CTIF: variants seen among roughly 807,000 people sequenced by gnomAD.
CTIF encodes the protein CBP80/20-dependent translation initiation factor.
In CTIF, 21 loss-of-function variants were observed where a neutral mutation model predicts 66.0. The ratio of observed to expected loss-of-function variants is 0.32; its 90% CI spans 0.23 to 0.46. CTIF has a LOEUF of 0.46. CTIF is among the 20% of genes least tolerant of loss of function. The pLI, the probability that CTIF is intolerant of heterozygous loss-of-function variation, is 1.00. For synonymous variants in CTIF, 345 were observed against 326.4 expected, an observed-to-expected ratio of 1.06 and a Z score of -0.62; for missense variants, 739 against 812.7, an observed-to-expected ratio of 0.91 and a Z score of 1.10.
chr18:48,663,973 G>A (rs769981777), intron 4 of CTIF, 148 bp downstream of exon 4: 4 of 768,358 alleles, frequency 5.2e-6, no homozygotes, highest in Non-Finnish European at 8.8e-6. Flanking sequence ...TGGAAAGAAG[G>A]CCGGAGAGAG....
At chr18:48,550,682 C>T (rs911326964) in intron 1 of CTIF, among the ~76,000 whole-genome samples, 23 of 152,176 alleles carry the variant, frequency 1.5e-4, no homozygotes, top group African/African-American at 5.3e-4. Context: ...CCATCACTCC[C>T]TGCCTCCTCA....
At chr18:48,857,070 G>C (rs12456176) in intron 10 of CTIF, among the ~76,000 whole-genome samples, 12,327 of 152,252 alleles carry the variant, frequency 0.081, 863 homozygotes, top group East Asian at 0.41. Context: ...CAGGTTTGTG[G>C]GTTTGAAAGT....
chr18:48,721,745 G>C (rs562153216), intron 7 of CTIF, among the ~76,000 whole-genome samples: 2 of 140,472 alleles, frequency 1.4e-5, no homozygotes, highest in African/African-American at 5.8e-5. Context: ...CTCAGAGAAC[G>C]TGCATCCCCC....
chr18:48,640,160 G>A (rs1212634548), intron 3 of CTIF, among the ~76,000 whole-genome samples: 1 of 152,202 alleles, frequency 6.6e-6, no homozygotes, highest in Non-Finnish European at 1.5e-5. Flanking sequence ...GCCCACCAGA[G>A]GCAAGAGCAC....
chr18:48,803,896 A>G (rs889358030), intron 9 of CTIF, among the ~76,000 whole-genome samples: 1 of 152,206 alleles, frequency 6.6e-6, no homozygotes, highest in Non-Finnish European at 1.5e-5. Flanking sequence ...ATCAGTCAGC[A>G]TGCAAGTCAA....
intron 10 of CTIF, among the ~76,000 whole-genome samples, chr18:48,819,743 AAAG>A (rs749394241): frequency 6.6e-5 from 10 of 152,210 alleles, no homozygotes; most frequent in Non-Finnish European, 1.3e-4. Flanking sequence ...CCAATTTGTA[AAAG>A]AAGAGGGCAG....
chr18:48,860,210 G>A lies in CTIF; in HGVS notation c.*651G>A, dbSNP rs530269688. On this transcript the variant is annotated 3_prime_UTR_variant, in exon 12 of 12. Coordinates refer to ENST00000256413, the MANE Select transcript of CTIF (RefSeq NM_014772.3). Reference sequence around the variant, plus strand: ...TCAGGCCTAGGGGGTCAGGCGCAGCGGGGGAGATGGAGTTTGCAGTTCCAC... The same window carrying A: ...TCAGGCCTAGGGGGTCAGGCGCAGCAGGGGAGATGGAGTTTGCAGTTCCAC... The A allele has an allele frequency of 1.3e-4, 45 of 337,144 alleles. No individual in the cohort carries two copies. The highest frequency in any genetic ancestry group is 1.6e-4 in the Non-Finnish European group (27 of 169,284). 20.9% of individuals were successfully genotyped at this position (337,144 alleles called of 1,614,324 possible). A position where few individuals can be genotyped will look rare whatever the true frequency, so the allele number is the denominator to read the frequency against.
At chr18:48,840,004 C>A (rs2068901260) in intron 10 of CTIF, among the ~76,000 whole-genome samples, 2 of 152,136 alleles carry the variant, frequency 1.3e-5, no homozygotes, top group South Asian at 4.1e-4. Flanking sequence ...TAGGTAGATG[C>A]TAGACTAGAC....
chr18:48,590,605 C>A (rs1364737969), intron 1 of CTIF, among the ~76,000 whole-genome samples: 2 of 152,226 alleles, frequency 1.3e-5, no homozygotes, highest in Non-Finnish European at 2.9e-5. Context: ...ATCCTTTGCC[C>A]TTCCCTGGAA....
At chr18:48,628,945 A>G (rs1169984246) in intron 2 of CTIF, among the ~76,000 whole-genome samples, 1 of 152,136 alleles carries the variant, frequency 6.6e-6, no homozygotes, top group African/African-American at 2.4e-5. Flanking sequence ...TCTCCTCCCC[A>G]TGTCAGTAAG....
intron 1 of CTIF, among the ~76,000 whole-genome samples, chr18:48,582,704 A>G (rs183152846): frequency 1.7e-4 from 26 of 152,204 alleles, no homozygotes; most frequent in Non-Finnish European, 2.1e-4. Context: ...TGGTGGTAAT[A>G]ACGGGGTTAG....
chr18:48,546,647 G>T (rs1237174556), intron 1 of CTIF, among the ~76,000 whole-genome samples: 1 of 152,106 alleles, frequency 6.6e-6, no homozygotes, highest in Non-Finnish European at 1.5e-5. Flanking sequence ...AGGTGTTGAG[G>T]GGTGCTTCCT....
At chr18:48,782,167 G>A (rs901071227) in intron 9 of CTIF, among the ~76,000 whole-genome samples, 11 of 151,942 alleles carry the variant, frequency 7.2e-5, no homozygotes, top group African/African-American at 9.7e-5. Flanking sequence ...CAGGGCAGGC[G>A]TGGAGGGTGA....
chr18:48,642,449 A>C (rs1024814820), intron 3 of CTIF, among the ~76,000 whole-genome samples: 2 of 152,190 alleles, frequency 1.3e-5, no homozygotes, highest in Non-Finnish European at 2.9e-5. Flanking sequence ...ATGTTAGCAA[A>C]GGTTGAGTAG....
rs547385904 is a variant in CTIF, at chr18:48,606,361, C to T, written c.-28-13177C>T. ...GTCAGATGCCTGGGTCATCATCCTGCCCTGTCACTGGGCCACTGGCATACT... is the reference window on the plus strand; with the variant it reads ...GTCAGATGCCTGGGTCATCATCCTGTCCTGTCACTGGGCCACTGGCATACT... On this transcript the variant is annotated intron_variant, in intron 1 of 11. Transcript: ENST00000256413. Among the ~76,000 whole-genome samples the T allele has an allele frequency of 3.3e-5, 5 of 152,324 alleles. No individual in the cohort carries two copies. The South Asian group carries it at 1.0e-3, about 32-fold the overall frequency.
chr18:48,595,953 G>A (rs1324175907), intron 1 of CTIF, among the ~76,000 whole-genome samples: 13 of 152,092 alleles, frequency 8.5e-5, no homozygotes, highest in East Asian at 1.9e-4. Context: ...TCATCAAATC[G>A]TGCAAGCTGA....
intron 7 of CTIF, among the ~76,000 whole-genome samples, chr18:48,739,411 G>A (rs1427826536): frequency 1.3e-5 from 2 of 152,230 alleles, no homozygotes; most frequent in South Asian, 2.1e-4. Context: ...CTGCGGGGAG[G>A]TTTTCAGTTG....
chr18:48,579,097 G>C (rs1380612461), intron 1 of CTIF, among the ~76,000 whole-genome samples: 2 of 152,056 alleles, frequency 1.3e-5, no homozygotes, highest in Non-Finnish European at 2.9e-5. Context: ...TGTCACCCAG[G>C]CAGGAGTGCA....
At chr18:48,843,271 G>A (rs2068990096) in intron 10 of CTIF, among the ~76,000 whole-genome samples, 1 of 152,090 alleles carries the variant, frequency 6.6e-6, no homozygotes. Context: ...TGCGGGGCTG[G>A]GCGTAACTGC....
Sources: gnomAD v4.1 joint callset for allele counts (sites outside exome capture counted in the v4.1 genomes callset) on GRCh38, gnomAD v4.1.1 for gene constraint, MANE v1.5 for transcripts, NCBI Gene and HGNC (gene_info 2026-07-23, HGNC 2026-07-21) for gene names.